Variants in CORO2B observed in about 807,000 individuals in gnomAD.
CORO2B encodes coronin 2B.
CORO2B carries 26 observed loss-of-function variants against 58.8 expected under a neutral mutation model. The ratio of observed to expected loss-of-function variants is 0.44; its 90% CI spans 0.32 to 0.61. The LOEUF is 0.61. Among genes scored for constraint, CORO2B ranks in the 20% least tolerant of loss-of-function variants. The pLI is 0.04. For synonymous variants in CORO2B, 242 were observed against 253.8 expected, an observed-to-expected ratio of 0.95 and a Z score of 0.44; for missense variants, 460 against 645.1, an observed-to-expected ratio of 0.71 and a Z score of 3.11.
intron 1 of CORO2B, among the ~76,000 whole-genome samples, chr15:68,633,961 C>T (rs914644634): frequency 2.0e-5 from 3 of 152,244 alleles, no homozygotes; most frequent in Admixed American, 6.5e-5. Context: ...CCAGGCCAGG[C>T]ACTCTGAACA....
the CORO2B span, among the ~76,000 whole-genome samples, chr15:68,555,555 T>C: frequency 1.3e-5 from 2 of 152,208 alleles, no homozygotes; most frequent in Non-Finnish European, 2.9e-5. Context: ...ACTCATCCCT[T>C]ACTCTATGTT....
intron 1 of CORO2B, among the ~76,000 whole-genome samples, chr15:68,593,523 G>A (rs931443751): frequency 1.3e-5 from 2 of 152,134 alleles, no homozygotes; most frequent in South Asian, 2.1e-4. Flanking sequence ...CTGGAGCCTC[G>A]TTCTCTAGAC....
chr15:68,565,627 A>G, the CORO2B span, among the ~76,000 whole-genome samples: 1 of 152,042 alleles, frequency 6.6e-6, no homozygotes, highest in Non-Finnish European at 1.5e-5. Flanking sequence ...CCAGATTCTG[A>G]CTGAAAGTTA....
intron 1 of CORO2B, among the ~76,000 whole-genome samples, chr15:68,591,560 C>G (rs1899708366): frequency 6.6e-6 from 1 of 152,164 alleles, no homozygotes. Flanking sequence ...GTGGTCTGTC[C>G]CTACCCACAT....
rs192855915 is a variant in CORO2B, at chr15:68,671,882, C to A, written c.217-23258C>A. ...CAATATGGGAGGGGACTACACAAGG[C>A]ATGTATACTAGGAGGTGAGATTACA... On this transcript the variant is annotated intron_variant, in intron 2 of 11. Transcript: ENST00000261861. Among the ~76,000 whole-genome samples, 181 of 152,258 alleles carry A rather than the reference C, an allele frequency of 1.2e-3. 1 individual carries two copies. The highest frequency in any genetic ancestry group is 1.8e-3 in the Non-Finnish European group (123 of 68,024).
intron 1 of CORO2B, among the ~76,000 whole-genome samples, chr15:68,643,637 G>T (rs1296937565): frequency 6.6e-6 from 1 of 152,194 alleles, no homozygotes; most frequent in East Asian, 1.9e-4. Flanking sequence ...TGGTGGAAGA[G>T]AATTTGCTTG....
Position 68,644,459 on chromosome 15 carries a change from G to C in CORO2B, c.16-701G>C, listed in dbSNP as rs77294928. 8.9e-3 allele frequency among the ~76,000 whole-genome samples: 1,357 copies of C among 152,258 alleles called. 21 individuals carry two copies. Among genetic ancestry groups the C allele is most frequent in the African/African-American group, 0.031 (1,291 of 41,532 alleles). On this transcript the variant is annotated intron_variant, in intron 1 of 11. Coordinates refer to ENST00000261861, the MANE Select transcript of CORO2B (RefSeq NM_006091.5). ...TGTGGGCCACATGCTGAGAAACCTT[G>C]CTCCAAAGGGTAATCTGGCATAGGA...
chr15:68,588,158 C>T (rs972790033), intron 1 of CORO2B, among the ~76,000 whole-genome samples: 4 of 152,320 alleles, frequency 2.6e-5, no homozygotes, highest in Admixed American at 1.3e-4. Flanking sequence ...TCCTCTTCCT[C>T]ACCAGTATTT....
the CORO2B span, among the ~76,000 whole-genome samples, chr15:68,573,734 GAA>G: frequency 1.3e-5 from 2 of 152,196 alleles, no homozygotes; most frequent in African/African-American, 2.4e-5. Flanking sequence ...ATTACTAAGT[GAA>G]AGAGCCAGTC....
At position 68,726,063 on chromosome 15, in the gene CORO2B, A is replaced by G. The variant is rs1477856514; in HGVS notation, c.*89A>G. The G allele has an allele frequency of 1.9e-6, 3 of 1,552,834 alleles. No homozygotes were observed. The highest frequency in any genetic ancestry group is 2.6e-6 in the Non-Finnish European group (3 of 1,151,750). On this transcript the variant is annotated 3_prime_UTR_variant, in exon 12 of 12. Transcript: ENST00000261861. Reference sequence around the variant, plus strand: ...CCCTTACCAGTGACCCCAGAGACAGAGCCAGGACAGGAGTGGGGGCCAGCC... The same window carrying G: ...CCCTTACCAGTGACCCCAGAGACAGGGCCAGGACAGGAGTGGGGGCCAGCC...
At chr15:68,605,584 T>C (rs566486695) in intron 1 of CORO2B, among the ~76,000 whole-genome samples, 1 of 152,306 alleles carries the variant, frequency 6.6e-6, no homozygotes, top group Non-Finnish European at 1.5e-5. Context: ...ACATAAAGTT[T>C]TATGCATATC....
At chr15:68,667,822 A>ACTT (rs1356469186) in intron 2 of CORO2B, among the ~76,000 whole-genome samples, 1 of 152,206 alleles carries the variant, frequency 6.6e-6, no homozygotes, top group Admixed American at 6.5e-5. Flanking sequence ...CAGACCAGTT[A>ACTT]CTTCCATCTC....
chr15:68,697,655 G>T (rs563596278), intron 3 of CORO2B, among the ~76,000 whole-genome samples: 1 of 152,300 alleles, frequency 6.6e-6, no homozygotes, highest in African/African-American at 2.4e-5. Flanking sequence ...GGTCCATCAG[G>T]CTTCAGCAGC....
intron 6 of CORO2B, 73 bp downstream of exon 6, chr15:68,714,114 A>T: frequency 1.0e-6 from 1 of 986,378 alleles, no homozygotes; most frequent in Non-Finnish European, 1.6e-6. Flanking sequence ...TTCCTCAGAA[A>T]GTCAGGAGCC....
chr15:68,519,260 C>T, the CORO2B span, among the ~76,000 whole-genome samples: 1 of 152,112 alleles, frequency 6.6e-6, no homozygotes, highest in East Asian at 1.9e-4. Context: ...CAAATGCACA[C>T]AAGCACACAT....
chr15:68,644,979 G>T (rs1377906940), intron 1 of CORO2B, among the ~76,000 whole-genome samples, 181 bp from the exon 2 acceptor site: 7 of 152,162 alleles, frequency 4.6e-5, no homozygotes, highest in Non-Finnish European at 1.0e-4. Context: ...AACGGGCTGG[G>T]CATATGAGTG....
At chr15:68,536,411 T>TA in the CORO2B span, among the ~76,000 whole-genome samples, 3 of 152,232 alleles carry the variant, frequency 2.0e-5, no homozygotes, top group Admixed American at 1.3e-4. Context: ...AATCTTGGCC[T>TA]AAAAAACTGC....
At chr15:68,523,564 A>G in the CORO2B span, among the ~76,000 whole-genome samples, 1 of 152,324 alleles carries the variant, frequency 6.6e-6, no homozygotes, top group East Asian at 1.9e-4. Flanking sequence ...TTAGTTTCTT[A>G]GCTTCTCACC....
chr15:68,609,673 C>T (rs985077056), intron 1 of CORO2B, among the ~76,000 whole-genome samples: 1 of 152,238 alleles, frequency 6.6e-6, no homozygotes, highest in African/African-American at 2.4e-5. Flanking sequence ...CTCCCCACTG[C>T]TCCCTCACTG....
Sources: gnomAD v4.1 joint callset for allele counts (sites outside exome capture counted in the v4.1 genomes callset) on GRCh38, gnomAD v4.1.1 for gene constraint, MANE v1.5 for transcripts, NCBI Gene and HGNC (gene_info 2026-07-23, HGNC 2026-07-21) for gene names.